The following TMED10 variants were observed in gnomAD, a reference collection of about 807,000 sequenced individuals.
TMED10 encodes transmembrane emp24 domain-containing protein 10.
In TMED10, 7 loss-of-function variants were observed where a neutral mutation model predicts 23.1. The ratio of observed to expected loss-of-function variants is 0.30; its 90% CI spans 0.17 to 0.57. The LOEUF (loss-of-function observed/expected upper bound fraction) is 0.57, where lower values mean the gene tolerates loss of function less well. Ranked by LOEUF, TMED10 falls within the 20% of genes least tolerant of loss-of-function variation. The pLI is 0.91. For missense variants in TMED10, 162 were observed against 274.8 expected (o/e 0.59, Z 2.90); for synonymous variants, 113 against 106.9 (o/e 1.06, Z -0.35).
Position 75,176,421 on chromosome 14 carries a change from T to A in TMED10, c.159A>T (p.Leu53=), listed in dbSNP as rs773812980. 1 of 1,614,216 alleles carries A rather than the reference T, an allele frequency of 6.2e-7. No individual in the cohort carries two copies. Among genetic ancestry groups the A allele is most frequent in the East Asian group, 2.2e-5 (1 of 44,886 alleles). ...CGGAGATCTCGTACGCGCCAGTCACTAGCAGGTCCTTGTGAATCTCCTCAC... is the reference window on the plus strand; with the variant it reads ...CGGAGATCTCGTACGCGCCAGTCACAAGCAGGTCCTTGTGAATCTCCTCAC... ...CLREEIHKDL[L]VTGAYEISDQ... Residue 53 remains leucine (L), a synonymous_variant, in exon 1 of 5, where the codon CTA becomes CTT. Coordinates refer to ENST00000303575, the MANE Select transcript of TMED10 (RefSeq NM_006827.6).
chr14:75,157,874 A>C (rs948049124), intron 1 of TMED10, among the ~76,000 whole-genome samples: 1 of 152,036 alleles, frequency 6.6e-6, no homozygotes, highest in Non-Finnish European at 1.5e-5. Context: ...TGGGAGGCGG[A>C]GGCTGCAGTG....
intron 3 of TMED10, chr14:75,139,030 T>C: frequency 5.6e-6 from 2 of 358,498 alleles, no homozygotes; most frequent in Non-Finnish European, 1.1e-5. Flanking sequence ...TGGCTAAAAA[T>C]TTAAACTATC....
intron 2 of TMED10, among the ~76,000 whole-genome samples, chr14:75,150,384 C>T (rs1015021113): frequency 6.6e-6 from 1 of 152,110 alleles, no homozygotes; most frequent in Non-Finnish European, 1.5e-5. Context: ...AGTTCACAGC[C>T]CCACCTGGTC....
At chr14:75,176,135 C>T (rs945400988) in intron 1 of TMED10, 8 of 602,816 alleles carry the variant, frequency 1.3e-5, no homozygotes, top group Non-Finnish European at 2.0e-5. Context: ...CCGCCAAAGC[C>T]TCGCAGCCCT....
intron 2 of TMED10, 67 bp from the exon 3 acceptor site, chr14:75,147,804 C>CGCCG: frequency 1.5e-6 from 2 of 1,355,244 alleles, no homozygotes; most frequent in Non-Finnish European, 2.0e-6. Flanking sequence ...CCCACCCACC[C>CGCCG]GCCCGCCCTC....
chr14:75,161,978 A>G (rs1896090586), intron 1 of TMED10, among the ~76,000 whole-genome samples: 1 of 152,062 alleles, frequency 6.6e-6, no homozygotes, highest in Non-Finnish European at 1.5e-5. Flanking sequence ...AGCATCTTAT[A>G]GTGCCAGAAA....
At chr14:75,155,120 G>A (rs888653861) in intron 1 of TMED10, among the ~76,000 whole-genome samples, 33 of 151,962 alleles carry the variant, frequency 2.2e-4, no homozygotes, top group African/African-American at 2.7e-4. Flanking sequence ...CCCCAAGCCC[G>A]GCTAATTTTT....
intron 2 of TMED10, 189 bp from the exon 3 acceptor site, chr14:75,147,926 G>A (rs888449953): frequency 3.2e-6 from 2 of 626,004 alleles, no homozygotes; most frequent in East Asian, 5.5e-5. Flanking sequence ...TCCAGACAAA[G>A]CCTCTATCTG....
intron 1 of TMED10, among the ~76,000 whole-genome samples, chr14:75,168,784 C>T (rs1409238661): frequency 1.3e-5 from 2 of 152,026 alleles, no homozygotes; most frequent in Admixed American, 6.6e-5. Flanking sequence ...ACAATGTGTA[C>T]GTTAAACTAA....
chr14:75,135,971 AAAG>A, intron 3 of TMED10, 85 bp from the exon 4 acceptor site: 2 of 1,552,394 alleles, frequency 1.3e-6, no homozygotes, highest in Non-Finnish European at 1.7e-6. Flanking sequence ...AGTCTTTTTT[AAAG>A]TTTCACCAGA....
chr14:75,137,633 C>A (rs1895768117), intron 3 of TMED10, among the ~76,000 whole-genome samples: 1 of 150,174 alleles, frequency 6.7e-6, no homozygotes, highest in African/African-American at 2.4e-5. Context: ...TGAGATTGTG[C>A]CACTGCACTC....
chr14:75,144,581 C>T lies in TMED10; in HGVS notation c.411+3083G>A, dbSNP rs75898519. On this transcript the variant is annotated intron_variant, in intron 3 of 4. Coordinates refer to ENST00000303575, the MANE Select transcript of TMED10 (RefSeq NM_006827.6). Reference sequence around the variant, plus strand: ...GTGGTACAATTACTATTCAATCTTACAGGACCACATGGGATTTCAGAATTA... The same window carrying T: ...GTGGTACAATTACTATTCAATCTTATAGGACCACATGGGATTTCAGAATTA... Among the ~76,000 whole-genome samples the T allele has an allele frequency of 2.8e-3, 419 of 152,280 alleles. 2 individuals carry two copies. In the East Asian group the frequency reaches 0.037, roughly 14 times the overall value.
At chr14:75,139,767 C>A (rs571198831) in intron 3 of TMED10, among the ~76,000 whole-genome samples, 1 of 152,156 alleles carries the variant, frequency 6.6e-6, no homozygotes, top group East Asian at 1.9e-4. Flanking sequence ...TAAGTACCTT[C>A]ACTCATGATA....
At chr14:75,172,376 T>A (rs2139864025) in intron 1 of TMED10, among the ~76,000 whole-genome samples, 1 of 151,898 alleles carries the variant, frequency 6.6e-6, no homozygotes, top group East Asian at 1.9e-4. Flanking sequence ...GGCACAATCA[T>A]ACTTCACTGC....
intron 1 of TMED10, among the ~76,000 whole-genome samples, chr14:75,153,815 G>C (rs1895985923): frequency 7.6e-6 from 1 of 130,764 alleles, no homozygotes; most frequent in Non-Finnish European, 1.6e-5. Flanking sequence ...CTGTCCCCAG[G>C]CTGGAGTGCA....
intron 3 of TMED10, among the ~76,000 whole-genome samples, chr14:75,141,294 T>C (rs1313914666): frequency 6.6e-6 from 1 of 152,200 alleles, no homozygotes; most frequent in Non-Finnish European, 1.5e-5. Context: ...AGTGCAGGCA[T>C]GTTTAGCAAC....
intron 1 of TMED10, among the ~76,000 whole-genome samples, chr14:75,164,551 ATATATATATATATATATATATATATATTT>A (rs1330866422): frequency 3.9e-3 from 6 of 1,522 alleles, no homozygotes; most frequent in South Asian, 0.013. Flanking sequence ...ATATATATAT[ATATATATATATATATATATATATATATTT>A]TTTTTTTTTT....
intron 3 of TMED10, among the ~76,000 whole-genome samples, chr14:75,139,808 T>A (rs1895799400): frequency 6.6e-6 from 1 of 152,026 alleles, no homozygotes; most frequent in African/African-American, 2.4e-5. Context: ...CTTAAAGAAA[T>A]CTCAAGAGAC....
rs1895687434 is a variant in TMED10, at chr14:75,131,744, C to T, written c.*3141G>A. On this transcript the variant is annotated 3_prime_UTR_variant, in exon 5 of 5. Coordinates refer to ENST00000303575, the MANE Select transcript of TMED10 (RefSeq NM_006827.6). ...ATTTGCTCTTGTGTCAGTCTTTTGT[C>T]AAAGGCAAATACATTTACTTTTTAG... is the stretch of plus-strand genomic sequence containing the variant. The T allele has an allele frequency of 1.3e-5, 2 of 152,158 alleles. No homozygotes were observed. Among genetic ancestry groups the T allele is most frequent in the African/African-American group, 4.8e-5 (2 of 41,430 alleles). The allele number at this position is 152,158 out of a possible 1,614,324, so 9.4% of individuals were successfully genotyped here.
Sources: gnomAD v4.1 joint callset for allele counts (sites outside exome capture counted in the v4.1 genomes callset) on GRCh38, gnomAD v4.1.1 for gene constraint, MANE v1.5 for transcripts, NCBI Gene and HGNC (gene_info 2026-07-23, HGNC 2026-07-21) for gene names.